Variants in ARHGEF4 observed in about 807,000 individuals in gnomAD.
ARHGEF4 encodes APC-stimulated guanine nucleotide exchange factor 1.
In ARHGEF4, 119 loss-of-function variants were observed where a neutral mutation model predicts 162.0. The ratio of observed to expected loss-of-function variants is 0.73; its 90% CI spans 0.63 to 0.86. The LOEUF (loss-of-function observed/expected upper bound fraction) is 0.86, where lower values mean the gene tolerates loss of function less well. Ranked by LOEUF, ARHGEF4 falls within the 40% of genes least tolerant of loss-of-function variation. The probability of loss-of-function intolerance (pLI) is 0.00; values close to 1 mark genes in which losing one functional copy is unlikely to be tolerated. For synonymous variants in ARHGEF4, 1,014 were observed against 979.9 expected (o/e 1.03, Z -0.65); for missense variants, 2,488 against 2,456.0 (o/e 1.01, Z -0.28).
intron 3 of ARHGEF4, among the ~76,000 whole-genome samples, chr2:130,939,382 G>A (rs917800065): frequency 6.6e-6 from 1 of 151,940 alleles, no homozygotes; most frequent in Non-Finnish European, 1.5e-5. Context: ...TTGCACCTTT[G>A]CCAGAAATCA....
chr2:131,020,062 A>G lies in ARHGEF4; in HGVS notation c.3986-7883A>G, dbSNP rs1204094675. Reference sequence around the variant, plus strand: ...AATTTATATTCTGTAGCCTTGCTGAATTTTAGTAGCTTTAATAATTTTATT... The same window carrying G: ...AATTTATATTCTGTAGCCTTGCTGAGTTTTAGTAGCTTTAATAATTTTATT... On this transcript the variant is annotated intron_variant, in intron 4 of 13. Coordinates refer to ENST00000409359, the MANE Select transcript of ARHGEF4 (RefSeq NM_001367493.1). Among the ~76,000 whole-genome samples, 4 of 152,234 alleles carry G rather than the reference A, an allele frequency of 2.6e-5. No individual in the cohort carries two copies. The East Asian group carries it at 7.7e-4, about 29-fold the overall frequency.
intron 3 of ARHGEF4, among the ~76,000 whole-genome samples, chr2:130,942,269 C>A (rs1421755033): frequency 6.6e-6 from 1 of 151,310 alleles, no homozygotes; most frequent in Non-Finnish European, 1.5e-5. Flanking sequence ...CCTGCCTCAG[C>A]CTCCTGAGTA....
At chr2:130,871,043 G>A (rs1057057461) in intron 1 of ARHGEF4, among the ~76,000 whole-genome samples, 1 of 152,146 alleles carries the variant, frequency 6.6e-6, no homozygotes, top group African/African-American at 2.4e-5. Flanking sequence ...GCAGTCATGG[G>A]TGTCAGTGGG....
intron 3 of ARHGEF4, among the ~76,000 whole-genome samples, chr2:130,943,867 G>A (rs930728531): frequency 6.6e-6 from 1 of 152,110 alleles, no homozygotes; most frequent in Non-Finnish European, 1.5e-5. Flanking sequence ...TATTTACCCA[G>A]CTATTTATTA....
intron 1 of ARHGEF4, among the ~76,000 whole-genome samples, chr2:130,872,919 G>A (rs1256752551): frequency 6.6e-6 from 1 of 152,186 alleles, no homozygotes; most frequent in Non-Finnish European, 1.5e-5. Context: ...ACACATGCCT[G>A]CACCATCCAC....
Position 130,914,262 on chromosome 2 carries a change from C to G in ARHGEF4, c.316C>G (p.Pro106Ala). The stretch of plus-strand genomic sequence containing the variant: ...AGATATAGAAGCACCTTGGGAATAC[C>G]CTGATGTCTCAGCAACTGGACCCCC... ...PVDIEAPWEY[P>A]DVSATGPPQE... The change falls in exon 2 of 14, where the codon CCT (proline) becomes GCT (alanine). Residue 106 changes from proline to alanine, a missense_variant. Coordinates refer to ENST00000409359, the MANE Select transcript of ARHGEF4 (RefSeq NM_001367493.1). The G allele has an allele frequency of 6.5e-7, 1 of 1,530,334 alleles. No homozygotes were observed. Among genetic ancestry groups the G allele is most frequent in the Non-Finnish European group, 8.7e-7 (1 of 1,142,950 alleles). The allele number at this position is 1,530,334 out of a possible 1,614,324, so 94.8% of individuals were successfully genotyped here.
intron 2 of ARHGEF4, among the ~76,000 whole-genome samples, chr2:130,919,758 C>T (rs1436077886): frequency 1.3e-5 from 2 of 151,926 alleles, no homozygotes; most frequent in African/African-American, 4.8e-5. Context: ...CGCCTGTAAT[C>T]CCAGCTACTT....
At chr2:130,891,759 A>G (rs34475842) in intron 1 of ARHGEF4, among the ~76,000 whole-genome samples, 23,858 of 152,026 alleles carry the variant, frequency 0.16, 2,170 homozygotes, top group Admixed American at 0.23. Flanking sequence ...TTATGATCTC[A>G]TACAACCTTC....
chr2:131,045,453 G>A lies in ARHGEF4; in HGVS notation c.5479+7G>A, dbSNP rs776335707. The A allele has an allele frequency of 3.3e-5, 54 of 1,613,434 alleles. 1 individual carries two copies. The Middle Eastern group carries it at 8.2e-4, about 25-fold the overall frequency. Reference sequence around the variant, plus strand: ...GTCACAGGGAAGCCCAAAGGTAGGCGGACAGCAGCCCCACCTCCTCGGCTG... The same window carrying A: ...GTCACAGGGAAGCCCAAAGGTAGGCAGACAGCAGCCCCACCTCCTCGGCTG... On this transcript the variant is annotated splice_region_variant and intron_variant, in intron 13 of 13. Transcript: ENST00000409359.
In ARHGEF4 at chr2:130,916,121, G is replaced by A; in HGVS notation, c.2175G>A (p.Glu725=). ...RVLVPQAASE[E]TPSTEEPPGE... ...TGGTCCCCCAAGCTGCTTCGGAAGA[G>A]ACGCCGAGCACAGAGGAGCCCCCGG... Residue 725 remains glutamate (E), a synonymous_variant, in exon 2 of 14, where the codon GAG becomes GAA. Transcript: ENST00000409359. 6.5e-7 allele frequency: 1 copy of A among 1,549,896 alleles called. No individual in the cohort carries two copies. The highest frequency in any genetic ancestry group is 8.7e-7 in the Non-Finnish European group (1 of 1,146,922).
intron 1 of ARHGEF4, among the ~76,000 whole-genome samples, chr2:130,907,678 G>T (rs1026760022): frequency 6.6e-6 from 1 of 151,980 alleles, no homozygotes; most frequent in Admixed American, 6.6e-5. Context: ...TTGAGTCCAG[G>T]TGCGGTGGCC....
At chr2:130,982,408 T>G (rs1030789343) in intron 4 of ARHGEF4, among the ~76,000 whole-genome samples, 2 of 152,164 alleles carry the variant, frequency 1.3e-5, no homozygotes, top group African/African-American at 4.8e-5. Flanking sequence ...CTTTACTATC[T>G]AAACTTTTTC....
Position 130,931,225 on chromosome 2 carries a change from C to T in ARHGEF4, c.3826C>T (p.His1276Tyr). 2 of 1,612,436 alleles carry T rather than the reference C, an allele frequency of 1.2e-6. No homozygotes were observed. Among genetic ancestry groups the T allele is most frequent in the African/African-American group, 1.3e-5 (1 of 75,024 alleles). Reference sequence around the variant, plus strand: ...GCAGGCCCACGTCGAAAGGAGGCTGCACATAGGGGCAGTGCACAAAGATGG... The same window carrying T: ...GCAGGCCCACGTCGAAAGGAGGCTGTACATAGGGGCAGTGCACAAAGATGG... ...QKQAHVERRLHIGAVHKDGVK... is the reference protein window; with the variant it reads ...QKQAHVERRLYIGAVHKDGVK... Residue 1276 changes from histidine (H) to tyrosine (Y), a missense_variant, in exon 3 of 14, where the codon CAC becomes TAC. Physicochemically the swap from His to Tyr is moderately conservative, Grantham distance 83. This residue lies in a region of ARHGEF4 where 1,642 missense variants were observed against 1,481.5 expected (regional missense o/e 1.11). Coordinates refer to ENST00000409359, the MANE Select transcript of ARHGEF4 (RefSeq NM_001367493.1).
intron 13 of ARHGEF4, 145 bp from the exon 14 acceptor site, chr2:131,045,893 T>G (rs1691211288): frequency 1.3e-6 from 2 of 1,491,944 alleles, no homozygotes; most frequent in Admixed American, 2.3e-5. Context: ...TGGTCAGCTC[T>G]CCAGGAGCAA....
At chr2:130,988,205 AGTCTGGC>A (rs1686649976) in intron 4 of ARHGEF4, among the ~76,000 whole-genome samples, 1 of 152,188 alleles carries the variant, frequency 6.6e-6, no homozygotes, top group Non-Finnish European at 1.5e-5. Context: ...GTGCCCTGGG[AGTCTGGC>A]AGTCACCTCC....
At chr2:130,967,234 G>A (rs750771869) in intron 4 of ARHGEF4, among the ~76,000 whole-genome samples, 38 of 152,134 alleles carry the variant, frequency 2.5e-4, no homozygotes, top group Admixed American at 1.5e-3. Context: ...CTGAAATGTC[G>A]TTCATCTGGC....
At position 130,916,298 on chromosome 2, in the gene ARHGEF4, C is replaced by T. The variant is rs116462083; in HGVS notation, c.2352C>T (p.Gly784=). ...PPQPPRGLRK[G]AQEPGKRPTF... is the part of the protein sequence containing the mutation. ...AGCCGCCACGCGGGCTCCGCAAGGG[C>T]GCGCAGGAGCCTGGGAAGCGCCCGA... Residue 784 remains glycine, a synonymous_variant, in exon 2 of 14, where the codon GGC becomes GGT. Transcript: ENST00000409359. The T allele has an allele frequency of 6.7e-3, 10,312 of 1,539,828 alleles. 359 individuals are homozygous for T. The African/African-American group carries it at 0.092, about 14-fold the overall frequency.
chr2:131,043,726 G>A (rs1691001408), intron 11 of ARHGEF4, 143 bp downstream of exon 11: 10 of 905,464 alleles, frequency 1.1e-5, no homozygotes, highest in Non-Finnish European at 1.5e-5. Context: ...CTGGGATGGG[G>A]TGGCTCTCTG....
intron 3 of ARHGEF4, among the ~76,000 whole-genome samples, chr2:130,936,403 A>G (rs1190656512): frequency 1.3e-5 from 2 of 152,192 alleles, no homozygotes; most frequent in African/African-American, 4.8e-5. Flanking sequence ...TAATCAATCT[A>G]TAATGTATTT....
Sources: allele counts gnomAD v4.1 joint callset (sites outside exome capture counted in the v4.1 genomes callset), GRCh38; gene constraint gnomAD v4.1.1; regional missense constraint gnomAD v4.1.1; transcripts MANE v1.5; gene names NCBI Gene and HGNC (gene_info 2026-07-23, HGNC 2026-07-21).